Variants in POMGNT1 observed in about 807,000 individuals in gnomAD.
POMGNT1 encodes protein O-linked-mannose beta-1,2-N-acetylglucosaminyltransferase 1.
Under a neutral mutation model 95.6 loss-of-function variants are expected in POMGNT1, and 67 were observed. The observed-to-expected ratio is 0.70, with a 90% CI of 0.58 to 0.86. POMGNT1 has a LOEUF of 0.86. POMGNT1 is among the 40% of genes least tolerant of loss of function. The pLI, the probability that POMGNT1 is intolerant of heterozygous loss-of-function variation, is 0.00. For missense variants in POMGNT1, 719 were observed against 855.2 expected (o/e 0.84, Z 1.99); for synonymous variants, 298 against 317.9 (o/e 0.94, Z 0.66).
At chr1:46,198,533 C>CGGCGGCGGCGGCGGCGGCGGT (rs974312200), upstream of POMGNT1, 1 of 150,298 alleles carries the variant, frequency 6.7e-6, no homozygotes, top group East Asian at 1.8e-4. Context: ...GCGGCGGCGG[C>CGGCGGCGGCGGCGGCGGCGGT]GGCGGCGGTG....
chr1:46,194,925 C>G lies in POMGNT1; in HGVS notation c.571G>C (p.Ala191Pro). 1 of 1,614,148 alleles carries G rather than the reference C, an allele frequency of 6.2e-7. No homozygotes were observed. ...TGGCTGCCCAGGCTCCTCAGCAGAG[C>G]CTTGGCTGTGTCCTTGAGGTGGAAG... ...GSFHLKDTAK[A>P]LLRSLGSQAG... The change falls in exon 7 of 22, where the codon GCT (alanine) becomes CCT (proline). Residue 191 changes from alanine (A) to proline (P), a missense_variant. Around this residue, in one of 5 missense-constraint regions of POMGNT1, gnomAD observed 466 missense variants for 517.4 expected, o/e 0.90. Coordinates refer to ENST00000371984, the MANE Select transcript of POMGNT1 (RefSeq NM_017739.4).
upstream of POMGNT1, chr1:46,203,387 C>A: frequency 7.0e-7 from 1 of 1,432,740 alleles, no homozygotes; most frequent in Non-Finnish European, 9.2e-7. Flanking sequence ...AGCCGGTCCC[C>A]GGCGTCCGGT....
chr1:46,192,645 A>G (rs1267706061), intron 14 of POMGNT1, 55 bp from the exon 15 acceptor site: 21 of 1,608,544 alleles, frequency 1.3e-5, no homozygotes, highest in Non-Finnish European at 1.8e-5. Flanking sequence ...ATCTAGTCAC[A>G]CAGAGATGCT....
In POMGNT1 at chr1:46,197,420, T is replaced by C. The variant is rs1366289807; in HGVS notation, c.120+282A>G. 1.6e-5 allele frequency: 24 copies of C among 1,491,614 alleles called. No homozygotes were observed. The East Asian group carries it at 1.9e-4, about 12-fold the overall frequency. 92.4% of individuals were successfully genotyped at this position (1,491,614 alleles called of 1,614,324 possible). ...ACCCAAGCGGGGGATCAGACCTGGG[T>C]CCTGGCCCTAACTGCCTCACAGGGG... On this transcript the variant is annotated intron_variant, in intron 2 of 21. Coordinates refer to ENST00000371984, the MANE Select transcript of POMGNT1 (RefSeq NM_017739.4).
chr1:46,194,493 G>A (rs1400031776), intron 8 of POMGNT1, 60 bp downstream of exon 8: 1 of 1,614,122 alleles, frequency 6.2e-7, no homozygotes, highest in Non-Finnish European at 8.5e-7. Context: ...GCTCCACAGA[G>A]AGATCTAAAT....
intron 19 of POMGNT1, 74 bp downstream of exon 19, chr1:46,190,399 G>A (rs1186033484): frequency 2.0e-6 from 3 of 1,511,790 alleles, no homozygotes; most frequent in Non-Finnish European, 2.8e-6. Flanking sequence ...ACAGGACCCT[G>A]TAAATTATGG....
chr1:46,209,638 G>A (rs1052487277), intron 1 of POMGNT1, among the ~76,000 whole-genome samples: 9 of 146,488 alleles, frequency 6.1e-5, no homozygotes, highest in Non-Finnish European at 1.2e-4. Context: ...TCAGCCTCCC[G>A]AGTAGCTGGG....
chr1:46,195,453 A>G (rs1658156002), intron 6 of POMGNT1: 1 of 377,070 alleles, frequency 2.7e-6, no homozygotes. Context: ...CCTCCCCTCT[A>G]TCATTCATTA....
rs76636361 is a variant in POMGNT1, at chr1:46,206,363, C to T, written c.-50-8492G>A. Among the ~76,000 whole-genome samples, 804 of 152,176 alleles carry T rather than the reference C, an allele frequency of 5.3e-3. 6 individuals are homozygous for T. The highest frequency in any genetic ancestry group is 0.041 in the Middle Eastern group (12 of 294). On this transcript the variant is annotated intron_variant, in intron 1 of 22. Transcript: ENST00000371992. ...TCTGATAGTCCCCGCTCTGGGAGCTCGGACTGGGATTTCCAGGCTTTTACC... is the reference window on the plus strand; with the variant it reads ...TCTGATAGTCCCCGCTCTGGGAGCTTGGACTGGGATTTCCAGGCTTTTACC...
At chr1:46,213,110 C>T (rs960185527) in intron 1 of POMGNT1, among the ~76,000 whole-genome samples, 22 of 151,904 alleles carry the variant, frequency 1.4e-4, no homozygotes, top group Non-Finnish European at 8.8e-5. Flanking sequence ...TGTATATATG[C>T]ACATATATAT....
chr1:46,192,314 C>T lies in POMGNT1; in HGVS notation c.1407G>A (p.Pro469=), dbSNP rs375039269. The change falls in exon 16 of 22, where the codon CCG becomes CCA. Residue 469 remains proline (P), a synonymous_variant. Transcript: ENST00000371984. The part of the protein sequence containing the change: ...KEELEPKWPT[P]EKLWDWDMWM... ...ACCCTACCCTGACAGTTACCTTTTCCGGTGTAGGCCACTTGGGCTCAAGCT... is the reference window on the plus strand; with the variant it reads ...ACCCTACCCTGACAGTTACCTTTTCTGGTGTAGGCCACTTGGGCTCAAGCT... The T allele has an allele frequency of 1.6e-5, 26 of 1,614,016 alleles. No homozygotes were observed. The highest frequency in any genetic ancestry group is 3.3e-5 in the South Asian group (3 of 91,080).
chr1:46,219,210 G>A (rs964163127), intron 1 of POMGNT1, among the ~76,000 whole-genome samples: 10 of 151,710 alleles, frequency 6.6e-5, no homozygotes, highest in East Asian at 1.9e-4. Flanking sequence ...CAGGAGAATC[G>A]CTTGAACCCA....
At position 46,203,664 on chromosome 1, in the gene POMGNT1, G is replaced by C. The variant is rs374584930; in HGVS notation, c.-50-5793C>G. 1.9e-5 allele frequency: 30 copies of C among 1,576,386 alleles called. No individual in the cohort carries two copies. In the African/African-American group the frequency reaches 4.1e-4, roughly 22 times the overall value. ...CATGGGCCAAGGGGACGAGTCCCTA[G>C]TGTAGGGCCGGGAGGGACGAACTCA... On this transcript the variant is annotated intron_variant, in intron 1 of 22. Transcript: ENST00000371992.
chr1:46,208,390 C>T (rs371124115), intron 1 of POMGNT1, among the ~76,000 whole-genome samples: 13 of 152,256 alleles, frequency 8.5e-5, no homozygotes, highest in African/African-American at 3.1e-4. Context: ...CTTTCTTCAT[C>T]GAACATAGTG....
chr1:46,219,612 G>A (rs555932009), intron 1 of POMGNT1: 1 of 1,388,174 alleles, frequency 7.2e-7, no homozygotes, highest in South Asian at 1.5e-5. Flanking sequence ...AAACATGGTT[G>A]GCTGAACCAC....
At chr1:46,201,114 G>C (rs78742669), upstream of POMGNT1, among the ~76,000 whole-genome samples, 84 of 151,858 alleles carry the variant, frequency 5.5e-4, 1 homozygote, top group East Asian at 0.014. Context: ...CTGGGCAACA[G>C]AGCCGGACTC....
chr1:46,190,926 T>C, intron 17 of POMGNT1, 142 bp from the exon 18 acceptor site: 1 of 789,044 alleles, frequency 1.3e-6, no homozygotes, highest in Non-Finnish European at 2.2e-6. Context: ...GTCTTCTCCA[T>C]CCTCTTTGCA....
chr1:46,188,983 G>T lies in POMGNT1; in HGVS notation c.*287C>A. On this transcript the variant is annotated 3_prime_UTR_variant, in exon 22 of 22. Transcript: ENST00000371984. Reference sequence around the variant, plus strand: ...ATAGGTTAGATTCTGAGCCAGGCCTGGAAAGTGAGGGTATTCAAAGGGCAG... The same window carrying T: ...ATAGGTTAGATTCTGAGCCAGGCCTTGAAAGTGAGGGTATTCAAAGGGCAG... The T allele has an allele frequency of 6.2e-7, 1 of 1,605,850 alleles. No individual in the cohort carries two copies. The highest frequency in any genetic ancestry group is 1.1e-5 in the South Asian group (1 of 90,858).
upstream of POMGNT1, chr1:46,203,430 G>T (rs1382794758): frequency 2.0e-6 from 3 of 1,467,046 alleles, no homozygotes; most frequent in South Asian, 2.8e-5. Context: ...GGCCCGCATG[G>T]AGGGGACCGT....
Sources: allele counts gnomAD v4.1 joint callset (sites outside exome capture counted in the v4.1 genomes callset), GRCh38; gene constraint gnomAD v4.1.1; regional missense constraint gnomAD v4.1.1; transcripts MANE v1.5; gene names NCBI Gene and HGNC (gene_info 2026-07-23, HGNC 2026-07-21).